The following SLC5A7 variants were observed in gnomAD, a reference collection of about 807,000 sequenced individuals.
The protein encoded by SLC5A7 is solute carrier family 5 member 7.
Under a neutral mutation model 55.4 loss-of-function variants are expected in SLC5A7, and 19 were observed. The ratio of observed to expected loss-of-function variants is 0.34; its 90% CI spans 0.24 to 0.50. SLC5A7 has a LOEUF of 0.50. Ranked by LOEUF, SLC5A7 falls within the 20% of genes least tolerant of loss-of-function variation. The probability of loss-of-function intolerance (pLI) is 0.98; values close to 1 mark genes in which losing one functional copy is unlikely to be tolerated. For synonymous variants in SLC5A7, 265 were observed against 263.7 expected, an observed-to-expected ratio of 1.00 and a Z score of -0.05; for missense variants, 506 against 705.3, an observed-to-expected ratio of 0.72 and a Z score of 3.20.
In SLC5A7 at chr2:108,001,952, C is replaced by CT; in HGVS notation, c.654dup (p.Ala219CysfsTer15). 6.2e-7 allele frequency: 1 copy of CT among 1,614,208 alleles called. No homozygotes were observed. The highest frequency in any genetic ancestry group is 8.5e-7 in the Non-Finnish European group (1 of 1,180,036). On this transcript the variant is annotated frameshift_variant, in exon 6 of 9. Coordinates refer to ENST00000264047, the MANE Select transcript of SLC5A7 (RefSeq NM_021815.5). LOFTEE classifies it high-confidence loss of function. ...CCTGCAGTCGCAGACATCGGGTTCA[C>CT]TGCTGTGCATGCCAAATACCAAAAG...
chr2:107,989,502 G>T (rs1011594285), intron 2 of SLC5A7, among the ~76,000 whole-genome samples: 1 of 152,128 alleles, frequency 6.6e-6, no homozygotes, highest in Non-Finnish European at 1.5e-5. Flanking sequence ...TCTACTGTAC[G>T]TGGACTCATT....
rs1417823452 is a variant in SLC5A7 at position 108,010,938 on chromosome 2, A to C, written c.*77A>C. 7.4e-7 allele frequency: 1 copy of C among 1,348,492 alleles called. No individual in the cohort carries two copies. The highest frequency in any genetic ancestry group is 2.4e-5 in the East Asian group (1 of 40,864). 83.5% of individuals were successfully genotyped at this position (1,348,492 alleles called of 1,614,324 possible). ...GTTCTGGAGAGATGGTATGCAGCAT[A>C]CAAAAATATATTAAAAATATAAACA... is the stretch of plus-strand genomic sequence containing the variant. On this transcript the variant is annotated 3_prime_UTR_variant, in exon 9 of 9. Coordinates refer to ENST00000264047, the MANE Select transcript of SLC5A7 (RefSeq NM_021815.5).
intron 5 of SLC5A7, among the ~76,000 whole-genome samples, chr2:107,999,169 TTGC>T (rs2104357267): frequency 6.6e-6 from 1 of 152,348 alleles, no homozygotes; most frequent in Non-Finnish European, 1.5e-5. Flanking sequence ...AATATTTAAT[TTGC>T]TCAAGGACTC....
At chr2:107,998,495 A>G (rs868084133) in intron 5 of SLC5A7, among the ~76,000 whole-genome samples, 2 of 152,200 alleles carry the variant, frequency 1.3e-5, no homozygotes, top group Non-Finnish European at 2.9e-5. Flanking sequence ...AGAAAGATTT[A>G]TTATCTATTG....
At chr2:107,991,789 A>G (rs926240947) in intron 2 of SLC5A7, among the ~76,000 whole-genome samples, 14 of 152,208 alleles carry the variant, frequency 9.2e-5, no homozygotes, top group Non-Finnish European at 2.9e-5. Flanking sequence ...AGCACTATCC[A>G]ATAGAAATAT....
rs572538213 is a variant in SLC5A7, at chr2:108,002,718, C to T, written c.741+678C>T. On this transcript the variant is annotated intron_variant, in intron 6 of 8. Coordinates refer to ENST00000264047, the MANE Select transcript of SLC5A7 (RefSeq NM_021815.5). ...AATAACACACTGTATTTGATTTCAACGTAAGAAATCAATTATGGCAGAGTG... is the reference window on the plus strand; with the variant it reads ...AATAACACACTGTATTTGATTTCAATGTAAGAAATCAATTATGGCAGAGTG... 1.8e-4 allele frequency among the ~76,000 whole-genome samples: 27 copies of T among 152,186 alleles called. No individual in the cohort carries two copies. In the South Asian group the frequency reaches 5.2e-3, roughly 29 times the overall value.
Position 107,987,477 on chromosome 2 carries a change from ATACT to A in SLC5A7, c.-51-625_-51-622del, listed in dbSNP as rs1432729336. On this transcript the variant is annotated intron_variant, in intron 1 of 8. Coordinates refer to ENST00000264047, the MANE Select transcript of SLC5A7 (RefSeq NM_021815.5). ...ATGGATCCTTTCAACAACAAAAAACATACTTAGTTGCTATAGTAACTTGAACTAC... is the reference window on the plus strand; with the variant it reads ...ATGGATCCTTTCAACAACAAAAAACATAGTTGCTATAGTAACTTGAACTAC... Among the ~76,000 whole-genome samples, 9 of 152,352 alleles carry A rather than the reference ATACT, an allele frequency of 5.9e-5. 1 individual carries two copies. The South Asian group carries it at 1.0e-3, about 18-fold the overall frequency.
At position 108,012,890 on chromosome 2, in the gene SLC5A7, C is replaced by T. The variant is rs1678391485; in HGVS notation, c.*2029C>T. On this transcript the variant is annotated 3_prime_UTR_variant, in exon 9 of 9. Coordinates refer to ENST00000264047, the MANE Select transcript of SLC5A7 (RefSeq NM_021815.5). ...GGAGACTACAATTCCTGGCAAACAC[C>T]ATTATTCCAGATGCACCATGCTACC... 6.6e-6 allele frequency: 1 copy of T among 152,062 alleles called. No individual in the cohort carries two copies. Among genetic ancestry groups the T allele is most frequent in the African/African-American group, 2.4e-5 (1 of 41,420 alleles). 9.4% of individuals were successfully genotyped at this position (152,062 alleles called of 1,614,324 possible).
intron 6 of SLC5A7, among the ~76,000 whole-genome samples, chr2:108,003,903 A>C (rs1472616832): frequency 6.6e-6 from 1 of 152,198 alleles, no homozygotes; most frequent in East Asian, 1.9e-4. Context: ...CAGCATGATT[A>C]GGTTCTAAAG....
chr2:108,005,993 A>C, intron 6 of SLC5A7, 56 bp from the exon 7 acceptor site: 1 of 1,602,564 alleles, frequency 6.2e-7, no homozygotes, highest in South Asian at 1.1e-5. Context: ...TTGCAATAAA[A>C]CTCTTTAAAA....
At chr2:107,997,723 A>T (rs1677722495) in intron 4 of SLC5A7, 115 bp from the exon 5 acceptor site, 3 of 1,086,796 alleles carry the variant, frequency 2.8e-6, no homozygotes, top group Non-Finnish European at 3.7e-6. Context: ...CATCCACTGC[A>T]TTTCATATGA....
chr2:107,994,446 G>C (rs567045310), intron 4 of SLC5A7, among the ~76,000 whole-genome samples: 1 of 152,104 alleles, frequency 6.6e-6, no homozygotes, highest in African/African-American at 2.4e-5. Flanking sequence ...AGCCAGGCGT[G>C]GTGGCGGGCG....
chr2:108,005,108 T>C (rs1337927459), intron 6 of SLC5A7, among the ~76,000 whole-genome samples: 5 of 152,210 alleles, frequency 3.3e-5, no homozygotes, highest in Non-Finnish European at 7.3e-5. Context: ...AACCATACAA[T>C]ATTTAGGTAC....
intron 4 of SLC5A7, 66 bp downstream of exon 4, chr2:107,993,193 A>G: frequency 1.9e-6 from 3 of 1,573,550 alleles, no homozygotes; most frequent in South Asian, 1.1e-5. Context: ...ACACAACCTT[A>G]CTTTCCTCAG....
chr2:107,998,445 G>A (rs1302791608), intron 5 of SLC5A7, among the ~76,000 whole-genome samples: 1 of 152,052 alleles, frequency 6.6e-6, no homozygotes, highest in East Asian at 1.9e-4. Flanking sequence ...CACTATTTGT[G>A]GTCTAAAAAC....
Position 108,008,476 on chromosome 2 carries a change from A to T in SLC5A7, c.907A>T (p.Thr303Ser). Residue 303 changes from threonine to serine, a missense_variant, in exon 8 of 9, where the codon ACT (threonine) becomes TCT (serine). Transcript: ENST00000264047. Reference protein sequence around the residue: ...AIGASTDWNQTAYGLPDPKTT... With the variant: ...AIGASTDWNQSAYGLPDPKTT... ...ATTCTGTTCAACAGACTGGAACCAG[A>T]CTGCATATGGGCTTCCAGATCCCAA... The T allele has an allele frequency of 3.7e-6, 6 of 1,613,408 alleles. No individual in the cohort carries two copies. Among genetic ancestry groups the T allele is most frequent in the Non-Finnish European group, 4.2e-6 (5 of 1,179,716 alleles).
At position 108,013,105 on chromosome 2, in the gene SLC5A7, A is replaced by G. The variant is rs1174407168; in HGVS notation, c.*2244A>G. 6.6e-6 allele frequency: 1 copy of G among 152,092 alleles called. No individual in the cohort carries two copies. Among genetic ancestry groups the G allele is most frequent in the Non-Finnish European group, 1.5e-5 (1 of 67,996 alleles). 9.4% of individuals were successfully genotyped at this position (152,092 alleles called of 1,614,324 possible). On this transcript the variant is annotated 3_prime_UTR_variant, in exon 9 of 9. Transcript: ENST00000264047. ...CGTTGTACCATTCTGTTGGGCAACA[A>G]TTGTCCCAACAACCACACTTAAATC...
rs1005884593 is a variant in SLC5A7 at position 107,986,553 on chromosome 2, C to G, written c.-262C>G. On this transcript the variant is annotated 5_prime_UTR_variant, in exon 1 of 9. Coordinates refer to ENST00000264047, the MANE Select transcript of SLC5A7 (RefSeq NM_021815.5). ...CCCACCTCGCCCTGCGCCGCGCGCC[C>G]TCCGCCGGCGCCAACACCTGTCAAC... 1 of 152,778 alleles carries G rather than the reference C, an allele frequency of 6.5e-6. No individual in the cohort carries two copies. The highest frequency in any genetic ancestry group is 2.4e-5 in the African/African-American group (1 of 41,480). 9.5% of individuals were successfully genotyped at this position (152,778 alleles called of 1,614,324 possible). A position where few individuals can be genotyped will look rare whatever the true frequency, so the allele number is the denominator to read the frequency against.
chr2:107,999,694 CTAA>C (rs1177244155), intron 5 of SLC5A7, among the ~76,000 whole-genome samples: 1 of 152,254 alleles, frequency 6.6e-6, no homozygotes, highest in East Asian at 1.9e-4. Context: ...CTCAAATTCT[CTAA>C]TGTCATTGAT....
Sources: allele counts gnomAD v4.1 joint callset (sites outside exome capture counted in the v4.1 genomes callset), GRCh38; gene constraint gnomAD v4.1.1; transcripts MANE v1.5; gene names NCBI Gene and HGNC (gene_info 2026-07-23, HGNC 2026-07-21).